Variants in MFF observed in about 807,000 individuals in gnomAD.
MFF encodes mitochondrial fission factor, also known as chromosome 2 open reading frame 33.
Under a neutral mutation model 36.9 loss-of-function variants are expected in MFF, and 12 were observed. The ratio of observed to expected loss-of-function variants is 0.33; its 90% CI spans 0.21 to 0.53. The LOEUF (loss-of-function observed/expected upper bound fraction) is 0.53, where lower values mean the gene tolerates loss of function less well. Among genes scored for constraint, MFF ranks in the 20% least tolerant of loss-of-function variants. The probability of loss-of-function intolerance (pLI) is 0.95; values close to 1 mark genes in which losing one functional copy is unlikely to be tolerated. For missense variants in MFF, 348 were observed against 366.6 expected (o/e 0.95, Z 0.42); for synonymous variants, 99 against 126.2 (o/e 0.78, Z 1.44).
intron 4 of MFF, among the ~76,000 whole-genome samples, chr2:227,336,224 A>G (rs1045555739): frequency 1.3e-5 from 2 of 152,222 alleles, no homozygotes; most frequent in African/African-American, 2.4e-5. Context: ...GTTAAATCCT[A>G]TCAATCAAGC....
At chr2:227,345,248 C>T (rs2075645570) in intron 5 of MFF, among the ~76,000 whole-genome samples, 1 of 151,976 alleles carries the variant, frequency 6.6e-6, no homozygotes, top group Non-Finnish European at 1.5e-5. Flanking sequence ...AGGAAGTAAC[C>T]CTTCTTTTAT....
intron 6 of MFF, 25 bp from the exon 7 acceptor site, chr2:227,352,489 C>T (rs1191865198): frequency 6.0e-6 from 9 of 1,511,272 alleles, no homozygotes; most frequent in Non-Finnish European, 7.1e-6. Flanking sequence ...TGTCTTGTGC[C>T]TTCTCCCGCA....
Position 227,328,035 on chromosome 2 carries a change from A to G in MFF, c.-152-643A>G, listed in dbSNP as rs115959080. Among the ~76,000 whole-genome samples, 774 of 152,332 alleles carry G rather than the reference A, an allele frequency of 5.1e-3. 10 individuals are homozygous for G. Among genetic ancestry groups the G allele is most frequent in the African/African-American group, 0.018 (729 of 41,574 alleles). ...ATAGCTTGCGTACTTTGTACCGAGT[A>G]CATGCATTACTAGTTCAAAATTTTA... On this transcript the variant is annotated intron_variant, in intron 1 of 8. Transcript: ENST00000304593.
At chr2:227,326,216 C>T (rs1253981094) in intron 1 of MFF, among the ~76,000 whole-genome samples, 1 of 144,206 alleles carries the variant, frequency 6.9e-6, no homozygotes, top group African/African-American at 2.6e-5. Context: ...CATTGGAGAA[C>T]ATTAAAGGGG....
At chr2:227,344,757 T>C (rs1478345362) in intron 5 of MFF, among the ~76,000 whole-genome samples, 1 of 30 alleles carries the variant, frequency 0.033, no homozygotes, top group African/African-American at 0.12. Context: ...TTTCGTTTTT[T>C]GTTTATGGAG....
In MFF at chr2:227,332,597, A is replaced by T; in HGVS notation, c.351+9A>T. 6.3e-7 allele frequency: 1 copy of T among 1,593,218 alleles called. No individual in the cohort carries two copies. The highest frequency in any genetic ancestry group is 8.6e-7 in the Non-Finnish European group (1 of 1,167,898). On this transcript the variant is annotated intron_variant, in intron 4 of 8. Coordinates refer to ENST00000304593, the MANE Select transcript of MFF (RefSeq NM_001277062.2). ...CCCCTCAAAATGAAGAAGTAAGTAG[A>T]ACTTTAGTATCACCGGAATTTGAAA... is the stretch of plus-strand genomic sequence containing the variant.
At chr2:227,341,229 A>G (rs935071873) in intron 5 of MFF, among the ~76,000 whole-genome samples, 12 of 152,028 alleles carry the variant, frequency 7.9e-5, no homozygotes, top group Non-Finnish European at 1.8e-4. Context: ...TCTAAAGAGT[A>G]TAGGGGTACA....
chr2:227,345,380 G>A (rs1172118111), intron 5 of MFF, among the ~76,000 whole-genome samples: 1 of 152,098 alleles, frequency 6.6e-6, no homozygotes, highest in Non-Finnish European at 1.5e-5. Flanking sequence ...TAATATGTTA[G>A]TATATAGCTG....
chr2:227,329,905 A>G (rs1427638874), intron 2 of MFF: 3 of 579,862 alleles, frequency 5.2e-6, no homozygotes, highest in Non-Finnish European at 9.0e-6. Context: ...ATTGGCGGCA[A>G]CATTCTTTCT....
chr2:227,355,662 A>G lies in MFF; in HGVS notation c.660-15A>G, dbSNP rs1460170669. On this transcript the variant is annotated splice_polypyrimidine_tract_variant and intron_variant, in intron 7 of 8. Coordinates refer to ENST00000304593, the MANE Select transcript of MFF (RefSeq NM_001277062.2). ...TACTTTACTATTCATTTGTATTTCT[A>G]TCTCTTATCTGCAGGTATGGCATTT... 2.2e-6 allele frequency: 3 copies of G among 1,342,138 alleles called. No individual in the cohort carries two copies. Among genetic ancestry groups the G allele is most frequent in the South Asian group, 2.8e-5 (2 of 72,454 alleles). The allele number at this position is 1,342,138 out of a possible 1,614,324, so 83.1% of individuals were successfully genotyped here.
intron 4 of MFF, 98 bp from the exon 5 acceptor site, chr2:227,340,194 T>G: frequency 1.0e-6 from 1 of 970,834 alleles, no homozygotes. Context: ...CGTTGTAAGT[T>G]TTTTGAGTAG....
At chr2:227,346,136 C>T (rs917305297) in intron 5 of MFF, 34 of 165,928 alleles carry the variant, frequency 2.0e-4, no homozygotes, top group African/African-American at 8.2e-4. Flanking sequence ...AGTTTCCAAA[C>T]AAATACATGC....
At chr2:227,329,726 C>T (rs1312104585) in intron 2 of MFF, 6 of 1,508,224 alleles carry the variant, frequency 4.0e-6, no homozygotes, top group Non-Finnish European at 3.7e-6. Flanking sequence ...CTATTATAGA[C>T]CTGTATTTAC....
intron 6 of MFF, among the ~76,000 whole-genome samples, chr2:227,349,081 A>T (rs2075857564): frequency 6.6e-6 from 1 of 152,184 alleles, no homozygotes; most frequent in Admixed American, 6.5e-5. Flanking sequence ...TACATTTAAA[A>T]TATCTGAATG....
At chr2:227,344,405 G>A (rs1221749533) in intron 5 of MFF, among the ~76,000 whole-genome samples, 1 of 152,150 alleles carries the variant, frequency 6.6e-6, no homozygotes, top group African/African-American at 2.4e-5. Flanking sequence ...ATTAAACCTT[G>A]GTTGGGTCCA....
intron 5 of MFF, among the ~76,000 whole-genome samples, chr2:227,340,926 G>A (rs1031800935): frequency 4.0e-5 from 6 of 151,864 alleles, no homozygotes; most frequent in African/African-American, 1.5e-4. Context: ...AATGTTCTTC[G>A]AAAACTGGTC....
chr2:227,330,857 T>G lies in MFF; in HGVS notation c.181+11T>G. 1.4e-6 allele frequency: 2 copies of G among 1,439,690 alleles called. No homozygotes were observed. The highest frequency in any genetic ancestry group is 1.9e-6 in the Non-Finnish European group (2 of 1,069,436). The allele number at this position is 1,439,690 out of a possible 1,614,324, so 89.2% of individuals were successfully genotyped here. A position where few individuals can be genotyped will look rare whatever the true frequency, so the allele number is the denominator to read the frequency against. On this transcript the variant is annotated intron_variant, in intron 3 of 8. Transcript: ENST00000304593. The stretch of plus-strand genomic sequence containing the variant: ...GGATTGTTGTAGCAGGTATTTCACC[T>G]TTACTTAGAAGGTTGCCTGTTAAAT...
Position 227,333,890 on chromosome 2 carries a change from C to A in MFF, c.351+1302C>A, listed in dbSNP as rs144016775. ...TAATTGAAAGCAACCCAAGCAATTC[C>A]CTGATTGATTATTTTAAGAGTGAGT... is the stretch of plus-strand genomic sequence containing the variant. On this transcript the variant is annotated intron_variant, in intron 4 of 8. Transcript: ENST00000304593. 7.0e-3 allele frequency among the ~76,000 whole-genome samples: 1,064 copies of A among 152,196 alleles called. 10 individuals are homozygous for A. Among genetic ancestry groups the A allele is most frequent in the Non-Finnish European group, 0.011 (779 of 68,014 alleles).
chr2:227,350,333 T>C (rs2075929789), intron 6 of MFF, among the ~76,000 whole-genome samples: 1 of 152,248 alleles, frequency 6.6e-6, no homozygotes, highest in Non-Finnish European at 1.5e-5. Flanking sequence ...ATGTATCTCA[T>C]TTTACAATGT....
Sources: gnomAD v4.1 joint callset for allele counts (sites outside exome capture counted in the v4.1 genomes callset) on GRCh38, gnomAD v4.1.1 for gene constraint, MANE v1.5 for transcripts, NCBI Gene and HGNC (gene_info 2026-07-23, HGNC 2026-07-21) for gene names.